The following MSRA variants were observed in gnomAD, a reference collection of about 807,000 sequenced individuals.
MSRA encodes mitochondrial peptide methionine sulfoxide reductase.
MSRA carries 54 observed loss-of-function variants against 31.3 expected under a neutral mutation model. The observed-to-expected ratio is 1.73, with a 90% confidence interval of 1.39 to 2.17. The LOEUF (loss-of-function observed/expected upper bound fraction) is 2.17. MSRA is among the 30% of genes most tolerant of loss of function. The pLI, the probability that MSRA is intolerant of heterozygous loss-of-function variation, is 0.00. For synonymous variants in MSRA, 169 were observed against 116.5 expected (o/e 1.45, Z -2.90); for missense variants, 507 against 300.9 (o/e 1.69, Z -5.07).
intron 4 of MSRA, among the ~76,000 whole-genome samples, chr8:10,318,327 A>G (rs1052061897): frequency 1.3e-5 from 2 of 152,156 alleles, no homozygotes; most frequent in Non-Finnish European, 2.9e-5. Context: ...ACAAGAAATG[A>G]TGGCAAAGAC....
At chr8:10,124,386 T>C (rs1801343865) in intron 1 of MSRA, among the ~76,000 whole-genome samples, 1 of 152,192 alleles carries the variant, frequency 6.6e-6, no homozygotes, top group Non-Finnish European at 1.5e-5. Flanking sequence ...TATGATTTCT[T>C]TGGGGCAAAC....
At chr8:10,079,944 T>G (rs1054227591) in intron 1 of MSRA, among the ~76,000 whole-genome samples, 2 of 152,338 alleles carry the variant, frequency 1.3e-5, no homozygotes, top group East Asian at 3.9e-4. Context: ...GGCTCTTTTT[T>G]CCTCCTGACC....
chr8:10,296,641 T>G (rs1318806403), intron 3 of MSRA, among the ~76,000 whole-genome samples: 3 of 152,144 alleles, frequency 2.0e-5, no homozygotes, highest in Non-Finnish European at 4.4e-5. Context: ...GAGACTTAAG[T>G]CCCATGTGCC....
chr8:10,201,692 G>A (rs1808515817), intron 1 of MSRA, among the ~76,000 whole-genome samples: 1 of 152,248 alleles, frequency 6.6e-6, no homozygotes, highest in Non-Finnish European at 1.5e-5. Flanking sequence ...AGCAATGTCA[G>A]TATCATCTTC....
chr8:10,085,388 G>T (rs959280556), intron 1 of MSRA, among the ~76,000 whole-genome samples: 1 of 152,140 alleles, frequency 6.6e-6, no homozygotes, highest in African/African-American at 2.4e-5. Context: ...GCTCAAGAAA[G>T]TGCCTATTGT....
Position 10,330,112 on chromosome 8 carries a change from C to T in MSRA, c.543+10123C>T, listed in dbSNP as rs149292290. The stretch of plus-strand genomic sequence containing the variant: ...CTCTTAGTCACTTACTCTCTTTGAG[C>T]CCTGACTTAATTTCTCTGATACCAA... On this transcript the variant is annotated intron_variant, in intron 5 of 5. Transcript: ENST00000317173. 5.1e-3 allele frequency among the ~76,000 whole-genome samples: 756 copies of T among 146,960 alleles called. 7 individuals are homozygous for T. Among genetic ancestry groups the T allele is most frequent in the South Asian group, 0.021 (94 of 4,436 alleles).
intron 5 of MSRA, among the ~76,000 whole-genome samples, chr8:10,398,783 C>G (rs1252650470): frequency 6.6e-6 from 1 of 152,214 alleles, no homozygotes; most frequent in African/African-American, 2.4e-5. Flanking sequence ...CGAGGTTTTT[C>G]ATTTCTTTTT....
At position 10,078,457 on chromosome 8, in the gene MSRA, C is replaced by G. The variant is rs568977468; in HGVS notation, c.142+23799C>G. On this transcript the variant is annotated intron_variant, in intron 1 of 5. Transcript: ENST00000317173. ...CCCCGTTCACATGGTTGCTGTGGTG[C>G]TGGACTGGCCACTGGGACTCTGCCC... 1.9e-3 allele frequency among the ~76,000 whole-genome samples: 295 copies of G among 152,358 alleles called. 2 individuals are homozygous for G. The highest frequency in any genetic ancestry group is 6.7e-3 in the African/African-American group (280 of 41,586).
intron 1 of MSRA, among the ~76,000 whole-genome samples, chr8:10,142,524 A>G (rs1802806085): frequency 6.6e-6 from 1 of 152,232 alleles, no homozygotes; most frequent in Non-Finnish European, 1.5e-5. Context: ...GAGCAGTAGC[A>G]TTTCTGACAA....
rs1427700178 is a variant in MSRA at position 10,276,793 on chromosome 8, G to A, written c.332-24741G>A. Among the ~76,000 whole-genome samples the A allele has an allele frequency of 2.0e-5, 3 of 152,236 alleles. No individual in the cohort carries two copies. In the East Asian group the frequency reaches 5.8e-4, roughly 29 times the overall value. The stretch of plus-strand genomic sequence containing the variant: ...TTAATTTTTTATGTAAAACTAATAA[G>A]CAAATGAATCCTCCTTCCCTCCTCC... On this transcript the variant is annotated intron_variant, in intron 3 of 5. Transcript: ENST00000317173.
intron 1 of MSRA, among the ~76,000 whole-genome samples, chr8:10,115,992 A>G (rs1277581708): frequency 6.6e-6 from 1 of 152,226 alleles, no homozygotes; most frequent in Non-Finnish European, 1.5e-5. Context: ...TGATTCACGC[A>G]TGGTGGCTCG....
At chr8:10,280,825 A>C (rs925084184) in intron 3 of MSRA, among the ~76,000 whole-genome samples, 1 of 152,266 alleles carries the variant, frequency 6.6e-6, no homozygotes, top group African/African-American at 2.4e-5. Flanking sequence ...GTATACACGT[A>C]CAACAGCGTG....
intron 1 of MSRA, among the ~76,000 whole-genome samples, chr8:10,154,805 A>G (rs1371813768): frequency 6.6e-6 from 1 of 152,092 alleles, no homozygotes; most frequent in African/African-American, 2.4e-5. Flanking sequence ...AGAAAATCAC[A>G]TGTATATTGA....
intron 3 of MSRA, among the ~76,000 whole-genome samples, chr8:10,298,349 G>A (rs1221729708): frequency 1.3e-5 from 2 of 152,212 alleles, no homozygotes; most frequent in Admixed American, 6.5e-5. Context: ...AGGACATTAC[G>A]CCGAGTTAAG....
intron 5 of MSRA, among the ~76,000 whole-genome samples, chr8:10,330,220 C>CACAA (rs1319585636): frequency 6.6e-6 from 1 of 151,726 alleles, no homozygotes; most frequent in Non-Finnish European, 1.5e-5. Flanking sequence ...CACACACACA[C>CACAA]ACACACACAA....
intron 1 of MSRA, among the ~76,000 whole-genome samples, chr8:10,143,639 A>G (rs1802892202): frequency 6.6e-6 from 1 of 152,130 alleles, no homozygotes; most frequent in African/African-American, 2.4e-5. Context: ...GCTGAAGTCT[A>G]ACTTTTGCAA....
chr8:10,097,919 C>A (rs897021802), intron 1 of MSRA, among the ~76,000 whole-genome samples: 2 of 151,956 alleles, frequency 1.3e-5, no homozygotes, highest in African/African-American at 2.4e-5. Context: ...AAGTTTCTTA[C>A]CAATAGAAAT....
At chr8:10,107,827 G>C (rs189198182) in intron 1 of MSRA, among the ~76,000 whole-genome samples, 1 of 152,168 alleles carries the variant, frequency 6.6e-6, no homozygotes, top group African/African-American at 2.4e-5. Context: ...CAGAGGAGTG[G>C]GCAGAACTGT....
intron 1 of MSRA, among the ~76,000 whole-genome samples, chr8:10,166,941 T>C (rs1208753533): frequency 1.3e-5 from 2 of 152,168 alleles, no homozygotes; most frequent in African/African-American, 4.8e-5. Context: ...AGTGTATTCC[T>C]AGGGTTGAGA....
Sources: allele counts gnomAD v4.1 joint callset (sites outside exome capture counted in the v4.1 genomes callset), GRCh38; gene constraint gnomAD v4.1.1; transcripts MANE v1.5; gene names NCBI Gene and HGNC (gene_info 2026-07-23, HGNC 2026-07-21).